The following TANC2 variants were observed in gnomAD, a reference collection of about 807,000 sequenced individuals.
The protein encoded by TANC2 is protein TANC2.
A neutral mutation model predicts 210.5 loss-of-function variants in TANC2; 26 were observed. That is an observed-to-expected ratio of 0.12 (90% confidence interval 0.09 to 0.17). The LOEUF is 0.17. TANC2 is among the 10% of genes least tolerant of loss of function. TANC2 has a pLI of 1.00. For synonymous variants in TANC2, 931 were observed against 967.1 expected (o/e 0.96, Z 0.69); for missense variants, 2,129 against 2,608.9 (o/e 0.82, Z 4.01).
intron 8 of TANC2, among the ~76,000 whole-genome samples, chr17:63,243,361 A>G (rs762975891): frequency 1.3e-5 from 2 of 152,244 alleles, no homozygotes; most frequent in Non-Finnish European, 2.9e-5. Flanking sequence ...ATTTCTGAAT[A>G]GAATGTCCAT....
intron 5 of TANC2, among the ~76,000 whole-genome samples, chr17:63,156,772 G>A (rs774122409): frequency 2.5e-4 from 38 of 151,256 alleles, no homozygotes; most frequent in Non-Finnish European, 5.0e-4. Flanking sequence ...TAGGCATACT[G>A]CAACCACCAA....
At chr17:63,292,855 G>A (rs528043496) in intron 9 of TANC2, among the ~76,000 whole-genome samples, 2 of 152,188 alleles carry the variant, frequency 1.3e-5, no homozygotes, top group Admixed American at 1.3e-4. Flanking sequence ...TAAACATGAG[G>A]AAACTGAAAT....
rs142095036 is a variant in TANC2 at position 63,418,743 on chromosome 17, C to G, written c.4268+336C>G. On this transcript the variant is annotated intron_variant, in intron 27 of 27. Transcript: ENST00000689528. The surrounding 1 kb of genome is among the most constrained non-coding windows in gnomAD (Gnocchi z 4.6). ...AGACAACGGCGACTTAAAGAAATCACTTAAGCAGAGCACCCCACCCCCGCT... is the reference window on the plus strand; with the variant it reads ...AGACAACGGCGACTTAAAGAAATCAGTTAAGCAGAGCACCCCACCCCCGCT... Among the ~76,000 whole-genome samples the G allele has an allele frequency of 5.3e-5, 8 of 152,364 alleles. No individual in the cohort carries two copies. The highest frequency in any genetic ancestry group is 1.4e-4 in the African/African-American group (6 of 41,586).
Position 63,411,496 on chromosome 17 carries a change from C to A in TANC2, c.3590-15C>A. 1 of 1,601,762 alleles carries A rather than the reference C, an allele frequency of 6.2e-7. No individual in the cohort carries two copies. Among genetic ancestry groups the A allele is most frequent in the Non-Finnish European group, 8.5e-7 (1 of 1,173,928 alleles). ...CCATGTCTCCTCAGCCCTGTGCTAT[C>A]ACTTGCCTTTGCAGGTGCCTCCATT... On this transcript the variant is annotated splice_polypyrimidine_tract_variant and intron_variant, in intron 21 of 27. Coordinates refer to ENST00000689528, the Ensembl canonical transcript of TANC2.
intron 4 of TANC2, among the ~76,000 whole-genome samples, chr17:63,108,433 T>C (rs2037907880): frequency 1.3e-5 from 2 of 151,858 alleles, no homozygotes; most frequent in South Asian, 4.1e-4. Flanking sequence ...AAAAGCTTAA[T>C]TCAGCCGAGT....
At chr17:63,305,869 TTGTCAGGGTACTC>T (rs530489624) in intron 9 of TANC2, among the ~76,000 whole-genome samples, 4 of 152,164 alleles carry the variant, frequency 2.6e-5, no homozygotes, top group Admixed American at 6.5e-5. Context: ...TTGGAGCAGT[TTGTCAGGGTACTC>T]TGTGAAGACT....
chr17:63,200,126 C>T (rs923262533), intron 6 of TANC2, among the ~76,000 whole-genome samples: 1 of 151,664 alleles, frequency 6.6e-6, no homozygotes, highest in Non-Finnish European at 1.5e-5. Flanking sequence ...GAGGTTGAGG[C>T]GGGTGGATCA....
chr17:63,315,925 A>C (rs1467671819), intron 10 of TANC2, among the ~76,000 whole-genome samples: 1 of 152,198 alleles, frequency 6.6e-6, no homozygotes, highest in Non-Finnish European at 1.5e-5. Context: ...TCTTTTCTTC[A>C]GAGGAATATA....
intron 7 of TANC2, among the ~76,000 whole-genome samples, chr17:63,209,219 C>T (rs1445890569): frequency 6.6e-6 from 1 of 151,816 alleles, no homozygotes; most frequent in Non-Finnish European, 1.5e-5. Context: ...TAACATATTG[C>T]CGAGGCTGGT....
intron 14 of TANC2, among the ~76,000 whole-genome samples, chr17:63,371,726 G>A (rs1157179614): frequency 3.9e-5 from 6 of 152,214 alleles, no homozygotes; most frequent in Non-Finnish European, 8.8e-5. Context: ...TAATGCCATT[G>A]TATATTTTGT....
intron 4 of TANC2, among the ~76,000 whole-genome samples, chr17:63,111,418 T>TC (rs1476033295): frequency 1.3e-5 from 2 of 152,344 alleles, no homozygotes; most frequent in East Asian, 3.9e-4. Context: ...AATTTATCTT[T>TC]CCCATGCAGC....
intron 9 of TANC2, among the ~76,000 whole-genome samples, chr17:63,310,426 C>T (rs1054532096): frequency 2.6e-5 from 4 of 151,586 alleles, no homozygotes; most frequent in East Asian, 3.9e-4. Context: ...CAGCCAGGGG[C>T]GACAAAGCAG....
At chr17:63,235,534 TTTAC>T (rs1460220309) in intron 7 of TANC2, among the ~76,000 whole-genome samples, 1 of 152,106 alleles carries the variant, frequency 6.6e-6, no homozygotes, top group Non-Finnish European at 1.5e-5. Context: ...CTTTTTCTAG[TTTAC>T]TTAGATTTCT....
intron 10 of TANC2, among the ~76,000 whole-genome samples, chr17:63,318,723 A>G (rs142625721): frequency 6.6e-6 from 1 of 152,166 alleles, no homozygotes; most frequent in African/African-American, 2.4e-5. Context: ...GATATTTTGT[A>G]TTTCATCTAT....
chr17:63,303,638 G>A (rs1386403279), intron 9 of TANC2, among the ~76,000 whole-genome samples: 1 of 152,012 alleles, frequency 6.6e-6, no homozygotes, highest in Non-Finnish European at 1.5e-5. Flanking sequence ...TTGAATGTTG[G>A]CCTGTCTTGC....
intron 7 of TANC2, among the ~76,000 whole-genome samples, chr17:63,225,241 C>T (rs78709326): frequency 4.6e-5 from 7 of 152,276 alleles, no homozygotes; most frequent in East Asian, 3.9e-4. Context: ...TGTTTTCTGA[C>T]GCATGTTTAC....
chr17:62,988,323 A>G (rs764263499), intron 1 of TANC2, among the ~76,000 whole-genome samples: 4 of 130,392 alleles, frequency 3.1e-5, no homozygotes, highest in African/African-American at 1.2e-4. Flanking sequence ...TTTTTAGTAG[A>G]GATGGGGTTT....
At chr17:63,073,041 A>G (rs1037282934) in intron 2 of TANC2, among the ~76,000 whole-genome samples, 3 of 152,118 alleles carry the variant, frequency 2.0e-5, no homozygotes, top group African/African-American at 7.2e-5. Flanking sequence ...CTGTCAAGTT[A>G]AAAATAAGAC....
chr17:63,068,006 T>C (rs1352621846), intron 2 of TANC2, among the ~76,000 whole-genome samples: 2 of 152,178 alleles, frequency 1.3e-5, no homozygotes, highest in African/African-American at 4.8e-5. Flanking sequence ...ATTCATACTC[T>C]ATCACTATGT....
Sources: gnomAD v4.1 joint callset for allele counts (sites outside exome capture counted in the v4.1 genomes callset) on GRCh38, gnomAD v4.1.1 for gene constraint, Gnocchi (gnomAD v3.1) non-coding constraint, MANE v1.5 for transcripts, NCBI Gene and HGNC (gene_info 2026-07-23, HGNC 2026-07-21) for gene names.